The following UBAC2 variants were observed in gnomAD, a reference collection of about 807,000 sequenced individuals.
UBAC2 encodes UBA domain containing 2, also known as ubiquitin-associated domain-containing protein 2.
Under a neutral mutation model 44.0 loss-of-function variants are expected in UBAC2, and 26 were observed. The observed-to-expected ratio is 0.59, with a 90% CI of 0.43 to 0.82. The LOEUF (loss-of-function observed/expected upper bound fraction) is 0.82. Ranked by LOEUF, UBAC2 falls within the 40% of genes least tolerant of loss-of-function variation. UBAC2 has a pLI of 0.00. For missense variants in UBAC2, 329 were observed against 419.4 expected (o/e 0.78, Z 1.88); for synonymous variants, 155 against 154.3 (o/e 1.00, Z -0.04).
At chr13:99,291,019 C>A (rs933739023) in intron 4 of UBAC2, among the ~76,000 whole-genome samples, 1 of 152,070 alleles carries the variant, frequency 6.6e-6, no homozygotes, top group Non-Finnish European at 1.5e-5. Flanking sequence ...TCTTACTAAC[C>A]AAGTTTCAGT....
chr13:99,311,147 TAAAAC>T (rs2044406868), intron 4 of UBAC2, among the ~76,000 whole-genome samples: 1 of 152,208 alleles, frequency 6.6e-6, no homozygotes, highest in African/African-American at 2.4e-5. Context: ...ACAGTGGGAA[TAAAAC>T]AAAACAGACC....
chr13:99,368,688 A>AGTGTGT (rs35193753), intron 8 of UBAC2, among the ~76,000 whole-genome samples: 34,516 of 146,480 alleles, frequency 0.24, 4,839 homozygotes, highest in Middle Eastern at 0.36. Context: ...CTCATGAGAG[A>AGTGTGT]GTGTGTGTGT....
chr13:99,333,512 A>G (rs755851435), intron 6 of UBAC2, among the ~76,000 whole-genome samples: 4 of 152,254 alleles, frequency 2.6e-5, no homozygotes, highest in Non-Finnish European at 4.4e-5. Flanking sequence ...AAATACTTAC[A>G]GTACTATGTG....
chr13:99,249,938 G>T (rs188180620), intron 4 of UBAC2, among the ~76,000 whole-genome samples: 114 of 152,252 alleles, frequency 7.5e-4, no homozygotes, highest in African/African-American at 2.6e-3. Flanking sequence ...GTTGAATCAA[G>T]TTCCTTACAG....
At chr13:99,315,024 G>T (rs2044469510) in intron 5 of UBAC2, among the ~76,000 whole-genome samples, 1 of 152,078 alleles carries the variant, frequency 6.6e-6, no homozygotes. Flanking sequence ...CCGGATACTG[G>T]CGTCACTTCA....
At chr13:99,215,121 C>T (rs2042976996) in intron 1 of UBAC2, among the ~76,000 whole-genome samples, 1 of 151,776 alleles carries the variant, frequency 6.6e-6, no homozygotes, top group African/African-American at 2.4e-5. Flanking sequence ...TTTTTAAAAA[C>T]AGTCAGCTCA....
chr13:99,342,895 G>A (rs55689056), intron 7 of UBAC2, among the ~76,000 whole-genome samples: 43,707 of 152,104 alleles, frequency 0.29, 7,558 homozygotes, highest in Non-Finnish European at 0.39. Flanking sequence ...TCCCCTGATC[G>A]CTGTCTTTCA....
At chr13:99,244,686 T>G in intron 4 of UBAC2, 62 bp downstream of exon 4, 2 of 979,814 alleles carry the variant, frequency 2.0e-6, no homozygotes, top group Non-Finnish European at 3.1e-6. Flanking sequence ...AAAGTGTTAT[T>G]ATTATTATGT....
In UBAC2 at chr13:99,295,683, C is replaced by A; in HGVS notation, c.390-18414C>A. ...GTCTGAGCAAATACTAGAATCCAGA[C>A]AAATATGCACACGCCTTTTGCATGT... On this transcript the variant is annotated intron_variant, in intron 4 of 8. Coordinates refer to ENST00000403766, the MANE Select transcript of UBAC2 (RefSeq NM_001144072.2). The surrounding 1 kb of genome is among the most constrained non-coding windows in gnomAD (Gnocchi z 4.1). 1 of 1,614,128 alleles carries A rather than the reference C, an allele frequency of 6.2e-7. No individual in the cohort carries two copies. The highest frequency in any genetic ancestry group is 1.1e-5 in the South Asian group (1 of 91,082).
At chr13:99,246,225 G>A (rs570464482) in intron 4 of UBAC2, among the ~76,000 whole-genome samples, 1 of 152,270 alleles carries the variant, frequency 6.6e-6, no homozygotes, top group African/African-American at 2.4e-5. Flanking sequence ...TTGACCTTTA[G>A]CTCTTTTAAT....
chr13:99,262,828 T>C (rs1230135322), intron 4 of UBAC2, among the ~76,000 whole-genome samples: 1 of 151,954 alleles, frequency 6.6e-6, no homozygotes, highest in Non-Finnish European at 1.5e-5. Flanking sequence ...TTGAGGATTT[T>C]AGTACACAGC....
chr13:99,362,061 T>C, intron 7 of UBAC2, among the ~76,000 whole-genome samples: 1 of 152,340 alleles, frequency 6.6e-6, no homozygotes, highest in East Asian at 1.9e-4. Context: ...TTTTAATTTA[T>C]GTAAATAGTA....
At chr13:99,293,381 A>G (rs1239400143) in intron 4 of UBAC2, among the ~76,000 whole-genome samples, 1 of 152,180 alleles carries the variant, frequency 6.6e-6, no homozygotes, top group African/African-American at 2.4e-5. Flanking sequence ...ACTCCAGTGT[A>G]GTCACAGAAC....
At chr13:99,359,186 A>G (rs1331249980) in intron 7 of UBAC2, among the ~76,000 whole-genome samples, 1 of 152,182 alleles carries the variant, frequency 6.6e-6, no homozygotes, top group Non-Finnish European at 1.5e-5. Context: ...AGTGGTCAGT[A>G]AGACCTGGTG....
At chr13:99,270,260 AAG>A (rs1484316769) in intron 4 of UBAC2, among the ~76,000 whole-genome samples, 3 of 152,220 alleles carry the variant, frequency 2.0e-5, no homozygotes, top group African/African-American at 7.2e-5. Flanking sequence ...GAGCTAATCA[AAG>A]AGAATTGTAA....
At chr13:99,271,187 G>C (rs929571444) in intron 4 of UBAC2, among the ~76,000 whole-genome samples, 2 of 152,260 alleles carry the variant, frequency 1.3e-5, no homozygotes, top group Middle Eastern at 3.4e-3. Flanking sequence ...GATCTGTGTT[G>C]TACAAAACTA....
chr13:99,244,536 G>A lies in UBAC2; in HGVS notation c.301G>A (p.Val101Ile), dbSNP rs1226113344. The A allele has an allele frequency of 1.2e-6, 2 of 1,613,118 alleles. No homozygotes were observed. Among genetic ancestry groups the A allele is most frequent in the South Asian group, 2.2e-5 (2 of 91,036 alleles). The part of the protein sequence containing the change: ...KFASFLLGSW[V>I]LSALFDFLLI... ...GTAGTCCTTTTTGCTGGGTTCCTGG[G>A]TTTTGTCAGCCTTATTTGACTTTCT... The change falls in exon 4 of 9, where the codon GTT (valine) becomes ATT (isoleucine). Residue 101 changes from valine to isoleucine, a missense_variant. By Grantham distance (29) the Val-to-Ile change is conservative. Transcript: ENST00000403766.
Position 99,267,497 on chromosome 13 carries a change from A to G in UBAC2, c.389+22873A>G, listed in dbSNP as rs374002364. 1.4e-3 allele frequency among the ~76,000 whole-genome samples: 209 copies of G among 152,294 alleles called. 2 individuals are homozygous for G. The highest frequency in any genetic ancestry group is 4.9e-3 in the African/African-American group (204 of 41,556). ...ATGAGTCCTTTTGGAACCTTTCCTC[A>G]TGACTTAAGCCGAAGCAGTATTTTC... is the stretch of plus-strand genomic sequence containing the variant. On this transcript the variant is annotated intron_variant, in intron 4 of 8. Coordinates refer to ENST00000403766, the MANE Select transcript of UBAC2 (RefSeq NM_001144072.2).
At chr13:99,203,929 T>C (rs1188717803) in intron 1 of UBAC2, among the ~76,000 whole-genome samples, 1 of 152,226 alleles carries the variant, frequency 6.6e-6, no homozygotes, top group Non-Finnish European at 1.5e-5. Flanking sequence ...CTGTTTCAAG[T>C]GCTTGAAACT....
Sources: gnomAD v4.1 joint callset for allele counts (sites outside exome capture counted in the v4.1 genomes callset) on GRCh38, gnomAD v4.1.1 for gene constraint, Gnocchi (gnomAD v3.1) non-coding constraint, MANE v1.5 for transcripts, NCBI Gene and HGNC (gene_info 2026-07-23, HGNC 2026-07-21) for gene names.